The following RBFOX1 variants were observed in gnomAD, a reference collection of about 807,000 sequenced individuals.
RBFOX1 encodes the protein RNA binding protein fox-1 homolog 1.
Under a neutral mutation model 57.7 loss-of-function variants are expected in RBFOX1, and 8 were observed. The ratio of observed to expected loss-of-function variants is 0.14; its 90% CI spans 0.08 to 0.25. The LOEUF is 0.25. Ranked by LOEUF, RBFOX1 falls within the 10% of genes least tolerant of loss-of-function variation. The pLI is 1.00. For missense variants in RBFOX1, 611 were observed against 548.5 expected, an observed-to-expected ratio of 1.11 and a Z score of -1.14; for synonymous variants, 326 against 222.4, an observed-to-expected ratio of 1.47 and a Z score of -4.15.
chr16:6,483,238 G>C (rs2095403080), intron 2 of RBFOX1: 3 of 1,240,750 alleles, frequency 2.4e-6, no homozygotes, highest in Non-Finnish European at 3.0e-6. Flanking sequence ...CCCTGGCGCC[G>C]CCGTGGCCTC....
intron 4 of RBFOX1, among the ~76,000 whole-genome samples, chr16:7,387,015 A>G (rs1322608221): frequency 6.6e-6 from 1 of 152,222 alleles, no homozygotes; most frequent in Non-Finnish European, 1.5e-5. Flanking sequence ...TGTTGGCTGC[A>G]TAAATGTCTT....
chr16:5,330,545 G>C (rs572451976), intron 1 of RBFOX1, among the ~76,000 whole-genome samples: 2 of 152,066 alleles, frequency 1.3e-5, no homozygotes, highest in East Asian at 3.9e-4. Flanking sequence ...TGGGACTACA[G>C]GTGTGCGTGC....
At chr16:6,744,592 C>T (rs922842139) in intron 3 of RBFOX1, among the ~76,000 whole-genome samples, 3 of 151,896 alleles carry the variant, frequency 2.0e-5, no homozygotes, top group African/African-American at 7.3e-5. Context: ...TAATAAATAA[C>T]CTGTGGATCG....
intron 3 of RBFOX1, among the ~76,000 whole-genome samples, chr16:7,004,746 C>T (rs1242822634): frequency 6.6e-6 from 1 of 152,162 alleles, no homozygotes; most frequent in African/African-American, 2.4e-5. Context: ...GGAGAAGTAG[C>T]TGTGAGACAC....
chr16:6,195,383 G>A (rs1380212982), intron 1 of RBFOX1, among the ~76,000 whole-genome samples: 1 of 152,080 alleles, frequency 6.6e-6, no homozygotes, highest in Non-Finnish European at 1.5e-5. Flanking sequence ...TCCGTCTTCT[G>A]GACTGAGAAA....
chr16:7,701,419 C>T (rs1278137479), intron 14 of RBFOX1, among the ~76,000 whole-genome samples: 1 of 152,144 alleles, frequency 6.6e-6, no homozygotes, highest in African/African-American at 2.4e-5. Flanking sequence ...ATGGGAGCAC[C>T]AACCCTACTG....
At chr16:6,580,027 C>T (rs550733851) in intron 2 of RBFOX1, among the ~76,000 whole-genome samples, 9 of 152,010 alleles carry the variant, frequency 5.9e-5, no homozygotes, top group African/African-American at 2.2e-4. Flanking sequence ...GGTGTGATCT[C>T]AGATCACTGC....
intron 2 of RBFOX1, among the ~76,000 whole-genome samples, chr16:6,597,919 TA>T (rs2097793593): frequency 6.6e-6 from 1 of 152,188 alleles, no homozygotes; most frequent in Admixed American, 6.5e-5. Flanking sequence ...TTTGTTGGGC[TA>T]AAGAGGGTGA....
chr16:7,217,913 TGTGTGA>T (rs2092357275), intron 4 of RBFOX1, among the ~76,000 whole-genome samples: 1 of 151,698 alleles, frequency 6.6e-6, no homozygotes, highest in East Asian at 1.9e-4. Flanking sequence ...TGCATGTGTG[TGTGTGA>T]GTGTAGGTGT....
intron 4 of RBFOX1, among the ~76,000 whole-genome samples, chr16:5,934,521 G>A (rs190393353): frequency 6.6e-5 from 10 of 152,286 alleles, no homozygotes; most frequent in African/African-American, 1.4e-4. Context: ...CCTAGTCCAC[G>A]ACTCACGTTG....
At chr16:6,108,916 G>T (rs948178096) in intron 1 of RBFOX1, among the ~76,000 whole-genome samples, 2 of 152,052 alleles carry the variant, frequency 1.3e-5, no homozygotes, top group Non-Finnish European at 2.9e-5. Context: ...AGATAATCCA[G>T]AATAATCACC....
chr16:7,706,090 T>G (rs939729205), intron 14 of RBFOX1, among the ~76,000 whole-genome samples: 4 of 152,188 alleles, frequency 2.6e-5, no homozygotes, highest in African/African-American at 9.7e-5. Flanking sequence ...ATCAGATTGC[T>G]GACGTGCTTG....
chr16:7,569,824 T>C (rs61023249), intron 5 of RBFOX1, among the ~76,000 whole-genome samples: 23,624 of 149,952 alleles, frequency 0.16, 2,232 homozygotes, highest in African/African-American at 0.26. Context: ...GCCTTGATCA[T>C]TCCAGTCTTG....
chr16:7,010,537 C>CCT (rs529567058), intron 3 of RBFOX1, among the ~76,000 whole-genome samples: 1 of 147,920 alleles, frequency 6.8e-6, no homozygotes, highest in African/African-American at 2.5e-5. Context: ...CACATCTCCC[C>CCT]TTTTTTTTTT....
chr16:7,217,030 TCCCTCCCTC>T (rs2092196393), intron 4 of RBFOX1, among the ~76,000 whole-genome samples: 1 of 47,204 alleles, frequency 2.1e-5, no homozygotes, highest in Non-Finnish European at 4.2e-5. Context: ...CCTCCCTCCC[TCCCTCCCTC>T]CCTCCCTCCC....
chr16:7,150,414 G>A (rs1028852648), intron 4 of RBFOX1, among the ~76,000 whole-genome samples: 4 of 152,142 alleles, frequency 2.6e-5, no homozygotes, highest in Non-Finnish European at 2.9e-5. Context: ...TCCCCGGGCT[G>A]TATTTGAAAA....
intron 4 of RBFOX1, among the ~76,000 whole-genome samples, chr16:5,943,513 A>G (rs2059324306): frequency 6.6e-6 from 1 of 152,228 alleles, no homozygotes; most frequent in South Asian, 2.1e-4. Context: ...AGGGCATCCT[A>G]TGCCAGAAAC....
chr16:6,833,880 TGAG>T (rs943727694), intron 3 of RBFOX1, among the ~76,000 whole-genome samples: 7 of 151,908 alleles, frequency 4.6e-5, no homozygotes, highest in Non-Finnish European at 7.4e-5. Context: ...GGGCACAGCT[TGAG>T]GAGGAGAGGA....
chr16:5,704,941 G>A (rs1342717494), intron 3 of RBFOX1, among the ~76,000 whole-genome samples: 2 of 152,204 alleles, frequency 1.3e-5, no homozygotes, highest in East Asian at 3.9e-4. Context: ...AGTCATATGG[G>A]AATGAGGCAG....
Sources: gnomAD v4.1 joint callset for allele counts (sites outside exome capture counted in the v4.1 genomes callset) on GRCh38, gnomAD v4.1.1 for gene constraint, MANE v1.5 for transcripts, NCBI Gene and HGNC (gene_info 2026-07-23, HGNC 2026-07-21) for gene names.